PCBP3: variants seen among roughly 807,000 people sequenced by gnomAD.
PCBP3 encodes the protein poly(rC)-binding protein 3.
PCBP3 carries 25 observed loss-of-function variants against 52.7 expected under a neutral mutation model. The observed-to-expected ratio is 0.47, with a 90% confidence interval of 0.35 to 0.66. PCBP3 has a LOEUF of 0.66. PCBP3 is among the 30% of genes least tolerant of loss of function. The probability of loss-of-function intolerance (pLI) is 0.01; values close to 1 mark genes in which losing one functional copy is unlikely to be tolerated. For synonymous variants in PCBP3, 162 were observed against 183.0 expected (o/e 0.89, Z 0.93); for missense variants, 391 against 490.3 (o/e 0.80, Z 1.91).
chr21:45,773,475 G>A (rs2090031830), intron 4 of PCBP3, among the ~76,000 whole-genome samples: 1 of 152,116 alleles, frequency 6.6e-6, no homozygotes, highest in South Asian at 2.1e-4. Flanking sequence ...CTTCTTGGCT[G>A]TTTGTGTGTC....
intron 4 of PCBP3, among the ~76,000 whole-genome samples, chr21:45,838,518 A>G (rs1019252256): frequency 6.6e-6 from 1 of 152,196 alleles, no homozygotes; most frequent in Non-Finnish European, 1.5e-5. Flanking sequence ...GAACAGAAAT[A>G]AGAAATGTTT....
intron 5 of PCBP3, among the ~76,000 whole-genome samples, chr21:45,879,248 G>T (rs1298415409): frequency 6.6e-6 from 1 of 151,828 alleles, no homozygotes; most frequent in South Asian, 2.1e-4. Flanking sequence ...GCCTCCCAAA[G>T]TACCGGGTTT....
intron 9 of PCBP3, among the ~76,000 whole-genome samples, chr21:45,907,790 G>A (rs905685934): frequency 2.0e-5 from 3 of 151,690 alleles, no homozygotes; most frequent in African/African-American, 4.9e-5. Context: ...CTGGCATTTG[G>A]GGGTTTTAGG....
intron 16 of PCBP3, 26 bp downstream of exon 16, chr21:45,935,331 G>T (rs749420407): frequency 6.3e-7 from 1 of 1,579,788 alleles, no homozygotes; most frequent in Non-Finnish European, 8.7e-7. Context: ...GTACCTGCCT[G>T]TCCCTGGGTA....
rs367689656 is a variant in PCBP3 at position 45,934,165 on chromosome 21, C to T, written c.857-1088C>T. Among the ~76,000 whole-genome samples the T allele has an allele frequency of 3.0e-4, 46 of 152,048 alleles. 1 individual carries two copies. In the East Asian group the frequency reaches 4.1e-3, roughly 13 times the overall value. On this transcript the variant is annotated intron_variant, in intron 15 of 17. Coordinates refer to ENST00000681687, the MANE Select transcript of PCBP3 (RefSeq NM_001384156.1). The stretch of plus-strand genomic sequence containing the variant: ...TCTGAAGGTACATCAGCTGGGCCTG[C>T]GATGGTTAGGAGGGGTGGATCCTGG...
intron 3 of PCBP3, among the ~76,000 whole-genome samples, chr21:45,747,296 C>T (rs1482365743): frequency 1.3e-5 from 2 of 152,242 alleles, no homozygotes; most frequent in African/African-American, 2.4e-5. Context: ...CCACTGGGTA[C>T]CTCCCACGAC....
In PCBP3 at chr21:45,870,368, G is replaced by A. The variant is rs187314928; in HGVS notation, c.10+20273G>A. Among the ~76,000 whole-genome samples, 26 of 152,302 alleles carry A rather than the reference G, an allele frequency of 1.7e-4. No homozygotes were observed. The East Asian group carries it at 4.2e-3, about 25-fold the overall frequency. ...TAGCTTATTTTCCTGTCATAATAGAGTGGTCTATCATCTTACCTGTGATGA... is the reference window on the plus strand; with the variant it reads ...TAGCTTATTTTCCTGTCATAATAGAATGGTCTATCATCTTACCTGTGATGA... On this transcript the variant is annotated intron_variant, in intron 5 of 17. Transcript: ENST00000681687.
intron 2 of PCBP3, among the ~76,000 whole-genome samples, chr21:45,676,205 A>T (rs968502667): frequency 4.1e-4 from 63 of 152,208 alleles, no homozygotes; most frequent in Admixed American, 3.3e-3. Flanking sequence ...AAATTGAACT[A>T]ACTGAGCCTG....
intron 4 of PCBP3, among the ~76,000 whole-genome samples, chr21:45,842,403 T>C (rs1173605393): frequency 1.3e-5 from 2 of 152,198 alleles, no homozygotes; most frequent in Admixed American, 6.5e-5. Context: ...TTTGTTTGTT[T>C]GTTTGTTCGT....
At chr21:45,909,863 G>T (rs1438664226) in intron 10 of PCBP3, among the ~76,000 whole-genome samples, 1 of 49,152 alleles carries the variant, frequency 2.0e-5, no homozygotes, top group South Asian at 1.0e-3. Context: ...GCCACCCACT[G>T]CCCAGATACG....
At position 45,643,876 on chromosome 21, in the gene PCBP3, A is replaced by T. The variant is rs2085884201; in HGVS notation, c.-279+8A>T. 6.7e-6 allele frequency: 1 copy of T among 148,300 alleles called. No individual in the cohort carries two copies. Among genetic ancestry groups the T allele is most frequent in the African/African-American group, 2.4e-5 (1 of 40,820 alleles). The allele number at this position is 148,300 out of a possible 1,614,324, so 9.2% of individuals were successfully genotyped here. ...CCGTCCGGCGCAGGGCAGGTGAGTG[A>T]GCGGTGGCGGGCGGGGTCGGGGTCG... On this transcript the variant is annotated splice_region_variant and intron_variant, in intron 1 of 17. Transcript: ENST00000681687.
intron 5 of PCBP3, chr21:45,859,151 T>C (rs1309057382): frequency 1.3e-5 from 2 of 152,906 alleles, no homozygotes; most frequent in East Asian, 1.9e-4. Context: ...TCCTGCTGCT[T>C]GTCCACTCCT....
chr21:45,834,278 C>T (rs1176024092), intron 4 of PCBP3, among the ~76,000 whole-genome samples: 2 of 152,246 alleles, frequency 1.3e-5, no homozygotes, highest in African/African-American at 4.8e-5. Flanking sequence ...GTGTCGTGTC[C>T]TGTCACCAGC....
At chr21:45,655,519 A>G (rs1037773823) in intron 1 of PCBP3, among the ~76,000 whole-genome samples, 3 of 152,146 alleles carry the variant, frequency 2.0e-5, no homozygotes, top group Admixed American at 2.0e-4. Context: ...GTAGTGACTG[A>G]TGGTATTCAG....
rs950326817 is a variant in PCBP3, at chr21:45,784,586, G to A, written c.-126+29134G>A. Among the ~76,000 whole-genome samples, 23 of 151,704 alleles carry A rather than the reference G, an allele frequency of 1.5e-4. No homozygotes were observed. The South Asian group carries it at 2.5e-3, about 16-fold the overall frequency. ...CCTGATTCTCCTGCCTCAGCCTGCC[G>A]AGTGCCTGCAATTGCAGGCGCGCGC... On this transcript the variant is annotated intron_variant, in intron 4 of 17. Coordinates refer to ENST00000681687, the MANE Select transcript of PCBP3 (RefSeq NM_001384156.1).
At chr21:45,801,023 G>A (rs1170401325) in intron 4 of PCBP3, among the ~76,000 whole-genome samples, 1 of 152,230 alleles carries the variant, frequency 6.6e-6, no homozygotes, top group Admixed American at 6.5e-5. Flanking sequence ...CTCTGACCTT[G>A]GAACGTGCTC....
Position 45,780,121 on chromosome 21 carries a change from G to A in PCBP3, c.-126+24669G>A, listed in dbSNP as rs184221746. On this transcript the variant is annotated intron_variant, in intron 4 of 17. Transcript: ENST00000681687. ...ATTTATAAAAATTACAGTAGATCAG[G>A]AATTTCAATCTCTAAAACTCAAAAA... 2.0e-3 allele frequency among the ~76,000 whole-genome samples: 310 copies of A among 152,302 alleles called. 1 individual carries two copies. Among genetic ancestry groups the A allele is most frequent in the African/African-American group, 7.2e-3 (300 of 41,566 alleles).
intron 2 of PCBP3, among the ~76,000 whole-genome samples, chr21:45,732,153 G>A (rs1197887197): frequency 6.6e-6 from 1 of 152,024 alleles, no homozygotes; most frequent in Non-Finnish European, 1.5e-5. Context: ...ACTATGTATA[G>A]TATTCCAGGT....
intron 4 of PCBP3, among the ~76,000 whole-genome samples, chr21:45,832,411 A>G (rs375817021): frequency 6.6e-6 from 1 of 152,116 alleles, no homozygotes; most frequent in African/African-American, 2.4e-5. Context: ...ATGCTTAACC[A>G]TCTGGGAATG....
Sources: allele counts gnomAD v4.1 joint callset (sites outside exome capture counted in the v4.1 genomes callset), GRCh38; gene constraint gnomAD v4.1.1; transcripts MANE v1.5; gene names NCBI Gene and HGNC (gene_info 2026-07-23, HGNC 2026-07-21).